The following GOSR1 variants were observed in gnomAD, a reference collection of about 807,000 sequenced individuals.
GOSR1 encodes golgi SNAP receptor complex member 1, also known as 28 kDa Golgi SNARE protein.
Under a neutral mutation model 35.5 loss-of-function variants are expected in GOSR1, and 21 were observed. That is an observed-to-expected ratio of 0.59 (90% CI 0.42 to 0.85). The LOEUF (loss-of-function observed/expected upper bound fraction) is 0.85, where lower values mean the gene tolerates loss of function less well. Among genes scored for constraint, GOSR1 ranks in the 40% least tolerant of loss-of-function variants. The probability of loss-of-function intolerance (pLI) is 0.00; values close to 1 mark genes in which losing one functional copy is unlikely to be tolerated. For synonymous variants in GOSR1, 94 were observed against 106.6 expected (o/e 0.88, Z 0.73); for missense variants, 285 against 309.6 (o/e 0.92, Z 0.60).
intron 7 of GOSR1, among the ~76,000 whole-genome samples, chr17:30,519,538 T>C (rs1355212002): frequency 6.6e-6 from 1 of 152,192 alleles, no homozygotes; most frequent in Non-Finnish European, 1.5e-5. Context: ...ATTTTTATAA[T>C]TATAATTCCC....
Position 30,525,262 on chromosome 17 carries a change from A to G in GOSR1, c.*2884A>G, listed in dbSNP as rs1968164728. Reference sequence around the variant, plus strand: ...GACTAACACCTGGTTTGGTACAGAGACTGAGAAGTTTTTCATTCTGGTGTC... The same window carrying G: ...GACTAACACCTGGTTTGGTACAGAGGCTGAGAAGTTTTTCATTCTGGTGTC... On this transcript the variant is annotated 3_prime_UTR_variant, in exon 9 of 9. Transcript: ENST00000451249. 6.6e-6 allele frequency: 1 copy of G among 152,214 alleles called. No individual in the cohort carries two copies. The highest frequency in any genetic ancestry group is 1.5e-5 in the Non-Finnish European group (1 of 68,028). 9.4% of individuals were successfully genotyped at this position (152,214 alleles called of 1,614,324 possible). A position where few individuals can be genotyped will look rare whatever the true frequency, so the allele number is the denominator to read the frequency against.
intron 5 of GOSR1, 41 bp downstream of exon 5, chr17:30,490,258 G>C (rs1403645395): frequency 9.6e-7 from 1 of 1,037,510 alleles, no homozygotes; most frequent in Admixed American, 1.7e-5. Flanking sequence ...TATTTATTCA[G>C]ATTTGGCTTT....
intron 8 of GOSR1, among the ~76,000 whole-genome samples, chr17:30,521,039 TGA>T (rs993832519): frequency 2.6e-5 from 4 of 152,180 alleles, no homozygotes; most frequent in East Asian, 1.9e-4. Flanking sequence ...AATAGAAGTG[TGA>T]GTCAGATAGC....
At chr17:30,491,171 A>G (rs943890672) in intron 5 of GOSR1, among the ~76,000 whole-genome samples, 4 of 152,166 alleles carry the variant, frequency 2.6e-5, no homozygotes, top group African/African-American at 7.2e-5. Flanking sequence ...GTTTTGAGGA[A>G]TGCATTGGGA....
intron 6 of GOSR1, among the ~76,000 whole-genome samples, chr17:30,504,403 C>G (rs1967327405): frequency 6.6e-6 from 1 of 152,032 alleles, no homozygotes; most frequent in Non-Finnish European, 1.5e-5. Context: ...TGTAAAATTA[C>G]TGTAATTTGA....
chr17:30,507,287 G>T (rs528655528), intron 6 of GOSR1, among the ~76,000 whole-genome samples: 1 of 152,236 alleles, frequency 6.6e-6, no homozygotes, highest in Admixed American at 6.5e-5. Context: ...TTCATGAGGA[G>T]GTCAAAATAT....
At chr17:30,483,879 A>C (rs992373661) in intron 2 of GOSR1, among the ~76,000 whole-genome samples, 2 of 152,246 alleles carry the variant, frequency 1.3e-5, no homozygotes, top group African/African-American at 4.8e-5. Flanking sequence ...AAAATGGAGA[A>C]GATTAGTACC....
Position 30,484,598 on chromosome 17 carries a change from T to C in GOSR1, c.235-65T>C, listed in dbSNP as rs9906480. ...CCAAAAGGGCATATAGGCAAATAAT[T>C]TGCTTTTAGCTGTTTATAGTGCTTA... On this transcript the variant is annotated intron_variant, in intron 3 of 8. Coordinates refer to ENST00000451249, the MANE Select transcript of GOSR1 (RefSeq NM_001007025.2). 1,064 of 833,340 alleles carry C rather than the reference T, an allele frequency of 1.3e-3. 12 individuals carry two copies. The African/African-American group carries it at 0.017, about 13-fold the overall frequency. 51.6% of individuals were successfully genotyped at this position (833,340 alleles called of 1,614,324 possible). A position where few individuals can be genotyped will look rare whatever the true frequency, so the allele number is the denominator to read the frequency against.
rs1914988987 is a variant in GOSR1 at position 30,490,697 on chromosome 17, C to T, written c.434+480C>T. Among the ~76,000 whole-genome samples, 3 of 152,190 alleles carry T rather than the reference C, an allele frequency of 2.0e-5. No homozygotes were observed. The South Asian group carries it at 6.2e-4, about 31-fold the overall frequency. ...TTACAAACAGTAATATGTACAAACT[C>T]ACTCATAGCCTTATGTTAAATTATT... On this transcript the variant is annotated intron_variant, in intron 5 of 8. Transcript: ENST00000451249.
chr17:30,514,883 A>G (rs1260892283), intron 7 of GOSR1, among the ~76,000 whole-genome samples: 1 of 152,156 alleles, frequency 6.6e-6, no homozygotes, highest in African/African-American at 2.4e-5. Context: ...TTTAATTTAC[A>G]TGAGCTCTTT....
chr17:30,482,194 T>C (rs1914400612), intron 2 of GOSR1, among the ~76,000 whole-genome samples: 1 of 151,840 alleles, frequency 6.6e-6, no homozygotes, highest in African/African-American at 2.4e-5. Flanking sequence ...TTATGTTATA[T>C]AGTATATATA....
intron 7 of GOSR1, among the ~76,000 whole-genome samples, chr17:30,519,200 A>T (rs1279454218): frequency 6.6e-6 from 1 of 152,000 alleles, no homozygotes; most frequent in East Asian, 1.9e-4. Flanking sequence ...AGCTGGGACT[A>T]CAGGCACACA....
intron 4 of GOSR1, among the ~76,000 whole-genome samples, chr17:30,488,284 C>T (rs780045206): frequency 2.0e-5 from 3 of 150,456 alleles, no homozygotes; most frequent in Non-Finnish European, 4.4e-5. Context: ...CCTGCCTCAG[C>T]CTCCCGAGTA....
intron 7 of GOSR1, among the ~76,000 whole-genome samples, chr17:30,516,816 G>A (rs1254755557): frequency 6.6e-6 from 1 of 152,144 alleles, no homozygotes; most frequent in Non-Finnish European, 1.5e-5. Context: ...TGGGCTTCAA[G>A]TGATTCTTCA....
chr17:30,490,540 G>A (rs1914975280), intron 5 of GOSR1, among the ~76,000 whole-genome samples: 1 of 151,870 alleles, frequency 6.6e-6, no homozygotes. Context: ...TTACTTTTAT[G>A]ATCCTCTGCA....
intron 6 of GOSR1, among the ~76,000 whole-genome samples, chr17:30,502,132 T>C (rs1410570258): frequency 6.6e-6 from 1 of 152,154 alleles, no homozygotes; most frequent in Non-Finnish European, 1.5e-5. Context: ...TTTAACTATA[T>C]AACATTTTGG....
At chr17:30,490,029 T>C (rs1914937001) in intron 4 of GOSR1, 97 bp from the exon 5 acceptor site, 1 of 608,610 alleles carries the variant, frequency 1.6e-6, no homozygotes, top group Non-Finnish European at 3.0e-6. Flanking sequence ...AGCAGTTTTC[T>C]TGACAAATTT....
intron 2 of GOSR1, 84 bp downstream of exon 2, chr17:30,481,341 G>A: frequency 4.0e-6 from 4 of 989,496 alleles, no homozygotes; most frequent in Non-Finnish European, 6.0e-6. Flanking sequence ...TATAACTTCT[G>A]TAAGTTGGTC....
rs182980318 is a variant in GOSR1 at position 30,493,104 on chromosome 17, C to T, written c.509+351C>T. On this transcript the variant is annotated intron_variant, in intron 6 of 8. Coordinates refer to ENST00000451249, the MANE Select transcript of GOSR1 (RefSeq NM_001007025.2). ...TTGCCTCCCGGGTTCAAGCGATTCT[C>T]CTGCCTCAGCCTCCCAAGTAGCTGG... Among the ~76,000 whole-genome samples, 1,074 of 152,158 alleles carry T rather than the reference C, an allele frequency of 7.1e-3. 10 individuals are homozygous for T. Among genetic ancestry groups the T allele is most frequent in the Middle Eastern group, 0.014 (4 of 294 alleles).
Sources: allele counts gnomAD v4.1 joint callset (sites outside exome capture counted in the v4.1 genomes callset), GRCh38; gene constraint gnomAD v4.1.1; transcripts MANE v1.5; gene names NCBI Gene and HGNC (gene_info 2026-07-23, HGNC 2026-07-21).